PTPRT: variants seen among roughly 807,000 people sequenced by gnomAD.
PTPRT encodes the protein receptor-type tyrosine-protein phosphatase T.
A neutral mutation model predicts 176.8 loss-of-function variants in PTPRT; 56 were observed. The observed-to-expected ratio is 0.32, with a 90% confidence interval of 0.26 to 0.40. PTPRT has a LOEUF of 0.40. PTPRT is among the 10% of genes least tolerant of loss of function. PTPRT has a pLI of 1.00. For missense variants in PTPRT, 1,540 were observed against 1,908.2 expected (o/e 0.81, Z 3.60); for synonymous variants, 783 against 739.0 (o/e 1.06, Z -0.96).
chr20:42,705,924 G>A (rs1220840755), intron 6 of PTPRT, among the ~76,000 whole-genome samples: 3 of 152,096 alleles, frequency 2.0e-5, no homozygotes, highest in African/African-American at 4.8e-5. Flanking sequence ...TATGGACTAG[G>A]ATGGTCCTAG....
intron 7 of PTPRT, among the ~76,000 whole-genome samples, chr20:42,575,595 T>G (rs768671844): frequency 1.3e-5 from 2 of 152,178 alleles, no homozygotes; most frequent in Non-Finnish European, 2.9e-5. Flanking sequence ...GACCAGACAG[T>G]AAACATTTTA....
intron 15 of PTPRT, among the ~76,000 whole-genome samples, chr20:42,214,783 GC>G (rs2055729541): frequency 6.6e-6 from 1 of 152,200 alleles, no homozygotes; most frequent in Non-Finnish European, 1.5e-5. Flanking sequence ...CACAGGTGAG[GC>G]CCTCCTCCCT....
chr20:42,392,207 T>C (rs768778282), intron 9 of PTPRT, among the ~76,000 whole-genome samples: 16 of 152,216 alleles, frequency 1.1e-4, no homozygotes, highest in Non-Finnish European at 2.2e-4. Context: ...TTCTAACACA[T>C]ATGAACATTT....
chr20:42,702,215 C>G (rs976416288), intron 6 of PTPRT, among the ~76,000 whole-genome samples: 3 of 152,148 alleles, frequency 2.0e-5, no homozygotes, highest in Non-Finnish European at 2.9e-5. Flanking sequence ...TTGTCCTCCA[C>G]TATTGGTGCT....
chr20:42,289,189 A>G (rs2057279997), intron 12 of PTPRT, among the ~76,000 whole-genome samples: 1 of 152,054 alleles, frequency 6.6e-6, no homozygotes, highest in South Asian at 2.1e-4. Flanking sequence ...AAAACCTACG[A>G]AATACTCTCC....
At chr20:42,784,731 T>C (rs956466203) in intron 3 of PTPRT, among the ~76,000 whole-genome samples, 1 of 134,138 alleles carries the variant, frequency 7.5e-6, no homozygotes, top group African/African-American at 2.5e-5. Context: ...TATATAGCGA[T>C]AATAACTACC....
At chr20:42,742,538 C>T (rs1305637844) in intron 6 of PTPRT, among the ~76,000 whole-genome samples, 5 of 152,080 alleles carry the variant, frequency 3.3e-5, no homozygotes, top group African/African-American at 1.2e-4. Flanking sequence ...AATGTCACAG[C>T]AGGAGGGGAA....
intron 27 of PTPRT, among the ~76,000 whole-genome samples, chr20:42,088,045 G>T (rs1984190777): frequency 6.6e-6 from 1 of 151,962 alleles, no homozygotes; most frequent in African/African-American, 2.4e-5. Flanking sequence ...CCAGTTCCTG[G>T]TTCCCAAGGG....
chr20:42,961,930 C>T (rs1405093774), intron 1 of PTPRT, among the ~76,000 whole-genome samples: 2 of 152,080 alleles, frequency 1.3e-5, no homozygotes, highest in East Asian at 1.9e-4. Context: ...ACTGGAATGA[C>T]GCAAGGCCAT....
chr20:42,154,131 G>T (rs1044213153), intron 17 of PTPRT, among the ~76,000 whole-genome samples: 2 of 152,160 alleles, frequency 1.3e-5, no homozygotes, highest in African/African-American at 4.8e-5. Flanking sequence ...CATGATTTGG[G>T]CGTGGGCCAG....
intron 7 of PTPRT, among the ~76,000 whole-genome samples, chr20:42,603,518 A>C (rs1208538251): frequency 6.6e-6 from 1 of 152,148 alleles, no homozygotes; most frequent in African/African-American, 2.4e-5. Flanking sequence ...GAGCTTTGAG[A>C]GGCTGGTGCG....
intron 7 of PTPRT, among the ~76,000 whole-genome samples, chr20:42,538,587 A>G (rs568025361): frequency 3.9e-5 from 6 of 152,310 alleles, no homozygotes; most frequent in African/African-American, 1.4e-4. Flanking sequence ...ATTACACATC[A>G]AGTCACATGG....
intron 2 of PTPRT, among the ~76,000 whole-genome samples, chr20:42,846,932 G>A (rs2145745467): frequency 6.6e-6 from 1 of 152,332 alleles, no homozygotes; most frequent in African/African-American, 2.4e-5. Context: ...TGCAAACTCT[G>A]TCTCTACTCC....
intron 1 of PTPRT, among the ~76,000 whole-genome samples, chr20:42,961,163 G>T (rs1015553845): frequency 6.6e-6 from 1 of 152,114 alleles, no homozygotes; most frequent in African/African-American, 2.4e-5. Flanking sequence ...AGAAAAGCCT[G>T]TTTGAAATCC....
chr20:42,075,256 G>A lies in PTPRT; in HGVS notation c.*5623C>T, dbSNP rs1982656734. The A allele has an allele frequency of 4.2e-6, 1 of 236,478 alleles. No homozygotes were observed. The highest frequency in any genetic ancestry group is 2.2e-5 in the African/African-American group (1 of 45,514). The allele number at this position is 236,478 out of a possible 1,614,324, so 14.6% of individuals were successfully genotyped here. A position where few individuals can be genotyped will look rare whatever the true frequency, so the allele number is the denominator to read the frequency against. On this transcript the variant is annotated 3_prime_UTR_variant, in exon 31 of 31. Transcript: ENST00000373187. ...GAAGCTGGTCACAGGCTAAGAAGGAGCTCAGACTGTTAAGTAATGGGGAAG... is the reference window on the plus strand; with the variant it reads ...GAAGCTGGTCACAGGCTAAGAAGGAACTCAGACTGTTAAGTAATGGGGAAG...
At chr20:42,365,047 A>G (rs1030389483) in intron 9 of PTPRT, among the ~76,000 whole-genome samples, 5 of 152,246 alleles carry the variant, frequency 3.3e-5, no homozygotes, top group African/African-American at 1.2e-4. Flanking sequence ...TGGGGAAAAA[A>G]GGCAAAGAGA....
rs1491279740 is a variant in PTPRT at position 42,739,289 on chromosome 20, GAT to G, written c.859+17171_859+17172del. 1.7e-4 allele frequency among the ~76,000 whole-genome samples: 11 copies of G among 63,924 alleles called. No homozygotes were observed. The East Asian group carries it at 2.2e-3, about 13-fold the overall frequency. 41.9% of individuals were successfully genotyped at this position (63,924 alleles called of 152,430 possible). A position where few individuals can be genotyped will look rare whatever the true frequency, so the allele number is the denominator to read the frequency against. On this transcript the variant is annotated intron_variant, in intron 6 of 30. Transcript: ENST00000373187. The stretch of plus-strand genomic sequence containing the variant: ...GCATTAATAAGAAATGAAAGGGAGA[GAT>G]AAAAAAAAAGCAGGATTTACAGGGA...
intron 13 of PTPRT, among the ~76,000 whole-genome samples, chr20:42,272,117 T>C (rs748856042): frequency 9.2e-5 from 14 of 152,198 alleles, no homozygotes; most frequent in Admixed American, 1.3e-4. Context: ...CTATAAATGC[T>C]TTTTACATTT....
At chr20:42,793,093 T>C (rs2077400724) in intron 2 of PTPRT, among the ~76,000 whole-genome samples, 1 of 151,966 alleles carries the variant, frequency 6.6e-6, no homozygotes, top group Admixed American at 6.6e-5. Context: ...CTTAGGATAG[T>C]TGGGTGGGTT....
Sources: allele counts gnomAD v4.1 joint callset (sites outside exome capture counted in the v4.1 genomes callset), GRCh38; gene constraint gnomAD v4.1.1; transcripts MANE v1.5; gene names NCBI Gene and HGNC (gene_info 2026-07-23, HGNC 2026-07-21).